TMEM131: variants seen among roughly 807,000 people sequenced by gnomAD.
TMEM131 encodes transmembrane protein 131.
Under a neutral mutation model 211.6 loss-of-function variants are expected in TMEM131, and 66 were observed. That is an observed-to-expected ratio of 0.31 (90% CI 0.26 to 0.38). The LOEUF (loss-of-function observed/expected upper bound fraction) is 0.38, where lower values mean the gene tolerates loss of function less well. Among genes scored for constraint, TMEM131 ranks in the 10% least tolerant of loss-of-function variants. TMEM131 has a pLI of 1.00. For missense variants in TMEM131, 2,036 were observed against 2,299.3 expected (o/e 0.89, Z 2.34); for synonymous variants, 844 against 841.3 (o/e 1.00, Z -0.06).
chr2:97,804,081 C>A lies in TMEM131; in HGVS notation c.2402+1007G>T, dbSNP rs1255038715. On this transcript the variant is annotated intron_variant, in intron 22 of 40. Coordinates refer to ENST00000186436, the MANE Select transcript of TMEM131 (RefSeq NM_015348.2). ...CAATTATTAATGGTTTGAGAATTTACAGTACTCTTAAATGGGAATATCCTG... is the reference window on the plus strand; with the variant it reads ...CAATTATTAATGGTTTGAGAATTTAAAGTACTCTTAAATGGGAATATCCTG... Among the ~76,000 whole-genome samples, 3 of 152,292 alleles carry A rather than the reference C, an allele frequency of 2.0e-5. No individual in the cohort carries two copies. In the East Asian group the frequency reaches 5.8e-4, roughly 29 times the overall value.
At chr2:97,987,253 C>G (rs185728781) in intron 1 of TMEM131, among the ~76,000 whole-genome samples, 21 of 152,334 alleles carry the variant, frequency 1.4e-4, no homozygotes, top group African/African-American at 4.8e-4. Context: ...TGGCTCATGC[C>G]TGTAATCCCA....
chr2:97,961,089 T>C (rs566848340), intron 1 of TMEM131, among the ~76,000 whole-genome samples: 30 of 151,812 alleles, frequency 2.0e-4, no homozygotes, highest in African/African-American at 6.8e-4. Flanking sequence ...AGACTGAATG[T>C]TTCCCCCCAA....
chr2:97,814,500 T>TA (rs1164775413), intron 13 of TMEM131, 112 bp from the exon 14 acceptor site: 2 of 1,072,710 alleles, frequency 1.9e-6, no homozygotes, highest in African/African-American at 3.2e-5. Flanking sequence ...TTAGGGATTG[T>TA]ATTAAAGATT....
intron 31 of TMEM131, among the ~76,000 whole-genome samples, chr2:97,786,194 T>G (rs1158438114): frequency 6.6e-6 from 1 of 152,026 alleles, no homozygotes; most frequent in Non-Finnish European, 1.5e-5. Context: ...GTATAAGAGA[T>G]CTCTGAATTT....
intron 1 of TMEM131, among the ~76,000 whole-genome samples, chr2:97,954,844 G>C (rs1374936269): frequency 1.9e-5 from 2 of 104,404 alleles, no homozygotes; most frequent in Non-Finnish European, 4.2e-5. Flanking sequence ...AAAAGAGAAA[G>C]ATCTCCAAAA....
intron 5 of TMEM131, among the ~76,000 whole-genome samples, chr2:97,856,375 T>C (rs774278683): frequency 3.3e-5 from 5 of 152,220 alleles, no homozygotes; most frequent in Non-Finnish European, 7.3e-5. Context: ...GTACCTCTCT[T>C]AGTATTTCTA....
chr2:97,964,797 C>T (rs1389353201), intron 1 of TMEM131, among the ~76,000 whole-genome samples: 5 of 152,172 alleles, frequency 3.3e-5, no homozygotes, highest in African/African-American at 1.2e-4. Context: ...ATCTATAAAA[C>T]AGAAATAAGT....
At chr2:97,806,989 C>A (rs1681336419) in intron 19 of TMEM131, among the ~76,000 whole-genome samples, 1 of 152,162 alleles carries the variant, frequency 6.6e-6, no homozygotes, top group Non-Finnish European at 1.5e-5. Context: ...TAACTACTTC[C>A]CTCGTGCCTT....
At chr2:97,884,026 A>G (rs1675039879) in intron 4 of TMEM131, among the ~76,000 whole-genome samples, 1 of 151,724 alleles carries the variant, frequency 6.6e-6, no homozygotes, top group African/African-American at 2.4e-5. Context: ...GTTTATTTGA[A>G]ATCTTTCTAG....
intron 3 of TMEM131, among the ~76,000 whole-genome samples, chr2:97,893,520 C>T (rs888260313): frequency 2.0e-4 from 31 of 152,154 alleles, no homozygotes; most frequent in African/African-American, 5.3e-4. Flanking sequence ...AGCGTAAAAG[C>T]GTTCCTATTT....
At position 97,772,576 on chromosome 2, in the gene TMEM131, C is replaced by A. The variant is rs538591365; in HGVS notation, c.4321-152G>T. ...CGTTTCTTCAAATCTGTCTTCACTGCGGTTCTGTCAATTTTTTGGCCTTCT... is the reference window on the plus strand; with the variant it reads ...CGTTTCTTCAAATCTGTCTTCACTGAGGTTCTGTCAATTTTTTGGCCTTCT... On this transcript the variant is annotated intron_variant, in intron 32 of 40. Coordinates refer to ENST00000186436, the MANE Select transcript of TMEM131 (RefSeq NM_015348.2). Among the ~76,000 whole-genome samples, 194 of 152,344 alleles carry A rather than the reference C, an allele frequency of 1.3e-3. 2 individuals are homozygous for A. In the Middle Eastern group the frequency reaches 0.051, roughly 40 times the overall value.
intron 11 of TMEM131, among the ~76,000 whole-genome samples, chr2:97,821,863 T>C (rs55887737): frequency 0.076 from 11,513 of 152,204 alleles, 525 homozygotes; most frequent in Middle Eastern, 0.12. Context: ...GTTGGGAGCA[T>C]TGGTTTGCCT....
chr2:97,969,958 C>T (rs1178905715), intron 1 of TMEM131, among the ~76,000 whole-genome samples: 3 of 152,168 alleles, frequency 2.0e-5, no homozygotes, highest in African/African-American at 4.8e-5. Context: ...AGTTAGTCTA[C>T]CTCTGTGAAC....
chr2:97,889,018 A>C (rs770356264), intron 3 of TMEM131, among the ~76,000 whole-genome samples: 6 of 152,210 alleles, frequency 3.9e-5, no homozygotes, highest in Admixed American at 6.5e-5. Flanking sequence ...GAGTCAGAGG[A>C]AATATCCAGG....
intron 33 of TMEM131, among the ~76,000 whole-genome samples, chr2:97,771,757 C>T (rs534331362): frequency 4.6e-5 from 7 of 152,332 alleles, no homozygotes; most frequent in Middle Eastern, 3.4e-3. Context: ...AAGCCCTCCC[C>T]GGGGGCCACT....
At chr2:97,899,357 T>C (rs1211549551) in intron 3 of TMEM131, among the ~76,000 whole-genome samples, 2 of 152,158 alleles carry the variant, frequency 1.3e-5, no homozygotes, top group African/African-American at 2.4e-5. Context: ...ATAGGACTAA[T>C]ATCTCCAATA....
At chr2:97,918,927 A>G (rs1008471110) in intron 2 of TMEM131, among the ~76,000 whole-genome samples, 3 of 152,220 alleles carry the variant, frequency 2.0e-5, no homozygotes, top group Non-Finnish European at 4.4e-5. Context: ...CTGAAAGTTC[A>G]AATGTGTTGG....
chr2:97,898,432 T>C (rs1473934225), intron 3 of TMEM131, among the ~76,000 whole-genome samples: 1 of 152,146 alleles, frequency 6.6e-6, no homozygotes, highest in Non-Finnish European at 1.5e-5. Context: ...ACAGGGTCTA[T>C]AAGCAGGCAA....
At chr2:97,796,569 C>T (rs1680774341) in intron 27 of TMEM131, among the ~76,000 whole-genome samples, 165 bp from the exon 28 acceptor site, 1 of 152,182 alleles carries the variant, frequency 6.6e-6, no homozygotes, top group Admixed American at 6.5e-5. Context: ...AGGTAATCTA[C>T]TTTGATAAAT....
Sources: allele counts gnomAD v4.1 joint callset (sites outside exome capture counted in the v4.1 genomes callset), GRCh38; gene constraint gnomAD v4.1.1; transcripts MANE v1.5; gene names NCBI Gene and HGNC (gene_info 2026-07-23, HGNC 2026-07-21).